GNG2: variants seen among roughly 807,000 people sequenced by gnomAD.
GNG2 encodes the protein G protein subunit gamma 2.
GNG2 carries 5 observed loss-of-function variants against 5.5 expected under a neutral mutation model. The observed-to-expected ratio is 0.91, with a 90% CI of 0.48 to 1.92. The LOEUF (loss-of-function observed/expected upper bound fraction) is 1.92. Among genes scored for constraint, GNG2 ranks in the 30% most tolerant of loss-of-function variants. GNG2 has a pLI of 0.01. For missense variants in GNG2, 55 were observed against 88.4 expected (o/e 0.62, Z 1.52); for synonymous variants, 28 against 32.0 (o/e 0.88, Z 0.42).
At chr14:51,922,650 C>T (rs1166799167) in intron 2 of GNG2, among the ~76,000 whole-genome samples, 1 of 152,174 alleles carries the variant, frequency 6.6e-6, no homozygotes, top group Non-Finnish European at 1.5e-5. Flanking sequence ...GAGCCTTCTC[C>T]CTGTCTTCGG....
intron 2 of GNG2, among the ~76,000 whole-genome samples, chr14:51,837,724 G>A (rs769278687): frequency 1.1e-4 from 17 of 151,990 alleles, no homozygotes; most frequent in African/African-American, 3.4e-4. Context: ...GTTAATGAGG[G>A]AACCAGCAGG....
intron 2 of GNG2, among the ~76,000 whole-genome samples, chr14:51,845,628 G>C (rs1881601683): frequency 6.6e-6 from 1 of 152,196 alleles, no homozygotes; most frequent in Non-Finnish European, 1.5e-5. Flanking sequence ...AAATACGTTT[G>C]GGAAATGCCA....
chr14:51,947,964 G>A (rs1045953442), intron 2 of GNG2, among the ~76,000 whole-genome samples: 2 of 152,294 alleles, frequency 1.3e-5, no homozygotes, highest in Non-Finnish European at 2.9e-5. Flanking sequence ...TGGCATGGTG[G>A]CTCCACAAAA....
At chr14:51,849,259 A>T (rs2140085022) in intron 2 of GNG2, among the ~76,000 whole-genome samples, 1 of 152,342 alleles carries the variant, frequency 6.6e-6, no homozygotes, top group Non-Finnish European at 1.5e-5. Context: ...GAGTGACCTC[A>T]CAACATGGCA....
At chr14:51,868,678 G>A (rs1354940834) in intron 1 of GNG2, among the ~76,000 whole-genome samples, 3 of 152,138 alleles carry the variant, frequency 2.0e-5, no homozygotes, top group Non-Finnish European at 2.9e-5. Flanking sequence ...ATAAGAATGA[G>A]GTGAGATTTC....
intron 2 of GNG2, among the ~76,000 whole-genome samples, chr14:51,845,154 TA>T (rs1881587572): frequency 6.6e-6 from 1 of 152,244 alleles, no homozygotes; most frequent in South Asian, 2.1e-4. Flanking sequence ...CTCTATGGGC[TA>T]AATTAGTGTA....
chr14:51,841,457 C>T (rs1454796861), intron 2 of GNG2: 2 of 683,878 alleles, frequency 2.9e-6, no homozygotes, highest in Non-Finnish European at 5.3e-6. Context: ...TCATATAATC[C>T]TCACTGTAAT....
chr14:51,930,299 C>A (rs1887580907), intron 2 of GNG2, among the ~76,000 whole-genome samples: 1 of 152,212 alleles, frequency 6.6e-6, no homozygotes, highest in Non-Finnish European at 1.5e-5. Context: ...GACATAGTAA[C>A]CAGCAGCCTG....
At chr14:51,830,871 G>C (rs1218921182) in intron 2 of GNG2, among the ~76,000 whole-genome samples, 4 of 152,188 alleles carry the variant, frequency 2.6e-5, no homozygotes, top group South Asian at 2.1e-4. Context: ...TCCAAAAGTT[G>C]TCCATTTCAC....
chr14:51,968,726 T>C lies in GNG2; in HGVS notation c.*2039T>C, dbSNP rs966773555. Reference sequence around the variant, plus strand: ...TGGAATAAGCTAAAACATATCACAGTTTTTACATGGGCCAAAACATGAATT... The same window carrying C: ...TGGAATAAGCTAAAACATATCACAGCTTTTACATGGGCCAAAACATGAATT... On this transcript the variant is annotated 3_prime_UTR_variant, in exon 4 of 4. Transcript: ENST00000556766. The C allele has an allele frequency of 3.9e-5, 6 of 152,216 alleles. No individual in the cohort carries two copies. Among genetic ancestry groups the C allele is most frequent in the Admixed American group, 2.6e-4 (4 of 15,284 alleles). The allele number at this position is 152,216 out of a possible 1,614,324, so 9.4% of individuals were successfully genotyped here.
chr14:51,916,603 G>C (rs552580437), intron 2 of GNG2: 125 of 409,230 alleles, frequency 3.1e-4, no homozygotes, highest in South Asian at 1.5e-3. Context: ...GGCCATTGAG[G>C]GGGAGGAAGC....
intron 2 of GNG2, among the ~76,000 whole-genome samples, chr14:51,946,117 G>A (rs1360257243): frequency 1.3e-5 from 2 of 152,158 alleles, no homozygotes; most frequent in African/African-American, 4.8e-5. Context: ...GGGGTGTAAT[G>A]TTTCGTTTGC....
At chr14:51,843,585 A>AC (rs1442241402) in intron 2 of GNG2, among the ~76,000 whole-genome samples, 1 of 31,704 alleles carries the variant, frequency 3.2e-5, no homozygotes, top group Non-Finnish European at 2.2e-4. Flanking sequence ...GTTAAAAAAA[A>AC]AAAAAACTCA....
At chr14:51,851,877 T>C (rs555763257) in intron 2 of GNG2, among the ~76,000 whole-genome samples, 8 of 152,240 alleles carry the variant, frequency 5.3e-5, no homozygotes, top group Non-Finnish European at 8.8e-5. Context: ...CATTGATGTA[T>C]GTAATCCTTA....
chr14:51,860,732 A>G lies in GNG2; in HGVS notation c.-129A>G, dbSNP rs1882414994. 1 of 152,414 alleles carries G rather than the reference A, an allele frequency of 6.6e-6. No individual in the cohort carries two copies. The highest frequency in any genetic ancestry group is 1.5e-5 in the Non-Finnish European group (1 of 68,220). 9.4% of individuals were successfully genotyped at this position (152,414 alleles called of 1,614,324 possible). Reference sequence around the variant, plus strand: ...CTGGGCTGCGCCGGAGCTCGCCTGCACAGATCAGCTCCGGAGAGGGGAAAA... The same window carrying G: ...CTGGGCTGCGCCGGAGCTCGCCTGCGCAGATCAGCTCCGGAGAGGGGAAAA... On this transcript the variant is annotated 5_prime_UTR_variant, in exon 1 of 4. Coordinates refer to ENST00000556766, the MANE Select transcript of GNG2 (RefSeq NM_053064.5).
intron 2 of GNG2, among the ~76,000 whole-genome samples, chr14:51,903,709 C>A (rs888771650): frequency 6.6e-6 from 1 of 152,128 alleles, no homozygotes; most frequent in African/African-American, 2.4e-5. Context: ...CATAGACCTG[C>A]ACGATAAATC....
chr14:51,948,638 G>A (rs553944079), intron 2 of GNG2, among the ~76,000 whole-genome samples: 28 of 152,262 alleles, frequency 1.8e-4, no homozygotes, highest in African/African-American at 1.9e-4. Flanking sequence ...GTGAGGCTGC[G>A]ATGATTGGGT....
At chr14:51,885,590 A>AC (rs1566664250) in intron 2 of GNG2, among the ~76,000 whole-genome samples, 7 of 150,118 alleles carry the variant, frequency 4.7e-5, no homozygotes, top group Non-Finnish European at 1.0e-4. Flanking sequence ...CGTATTCTAT[A>AC]ACACACACAC....
At chr14:51,912,524 A>T (rs1886356397) in intron 2 of GNG2, among the ~76,000 whole-genome samples, 2 of 152,162 alleles carry the variant, frequency 1.3e-5, no homozygotes, top group South Asian at 4.2e-4. Flanking sequence ...AGAGATGCCT[A>T]ACACCATCTC....
Sources: allele counts gnomAD v4.1 joint callset (sites outside exome capture counted in the v4.1 genomes callset), GRCh38; gene constraint gnomAD v4.1.1; transcripts MANE v1.5; gene names NCBI Gene and HGNC (gene_info 2026-07-23, HGNC 2026-07-21).